OVOL2: variants seen among roughly 807,000 people sequenced by gnomAD.
OVOL2 encodes ovo like zinc finger 2.
In OVOL2, 13 loss-of-function variants were observed where a neutral mutation model predicts 18.1. That is an observed-to-expected ratio of 0.72 (90% CI 0.47 to 1.14). The LOEUF (loss-of-function observed/expected upper bound fraction) is 1.14, where lower values mean the gene tolerates loss of function less well. Among genes scored for constraint, OVOL2 ranks in the 50% most tolerant of loss-of-function variants. The pLI, the probability that OVOL2 is intolerant of heterozygous loss-of-function variation, is 0.00. For synonymous variants in OVOL2, 166 were observed against 162.7 expected (o/e 1.02, Z -0.16); for missense variants, 335 against 383.0 (o/e 0.87, Z 1.05).
chr20:18,047,070 A>G (rs2036729378), intron 2 of OVOL2, among the ~76,000 whole-genome samples: 1 of 152,226 alleles, frequency 6.6e-6, no homozygotes, highest in Non-Finnish European at 1.5e-5. Context: ...GCAGTATAAG[A>G]AGCTAAGAGC....
chr20:18,032,595 C>T (rs2036581801), intron 3 of OVOL2, among the ~76,000 whole-genome samples: 1 of 152,128 alleles, frequency 6.6e-6, no homozygotes, highest in Admixed American at 6.5e-5. Context: ...CAGCCTCTGC[C>T]TCTCGAGTTC....
chr20:18,040,977 A>G (rs905495290), intron 3 of OVOL2, among the ~76,000 whole-genome samples: 6 of 152,106 alleles, frequency 3.9e-5, no homozygotes, highest in African/African-American at 1.4e-4. Context: ...GATTCTCAGA[A>G]TACTTCCAGC....
intron 3 of OVOL2, among the ~76,000 whole-genome samples, chr20:18,038,359 C>T (rs906092408): frequency 5.3e-5 from 8 of 152,176 alleles, no homozygotes; most frequent in African/African-American, 4.8e-5. Flanking sequence ...ACAACCATCA[C>T]TTTAAGTGGC....
At chr20:18,026,627 C>T (rs1309810957) in intron 3 of OVOL2, among the ~76,000 whole-genome samples, 2 of 152,156 alleles carry the variant, frequency 1.3e-5, no homozygotes, top group Admixed American at 1.3e-4. Flanking sequence ...GTGATCTGCC[C>T]CCCTCGGCCT....
chr20:18,058,127 C>G (rs370726358), upstream of OVOL2, among the ~76,000 whole-genome samples: 2 of 152,154 alleles, frequency 1.3e-5, no homozygotes, highest in South Asian at 4.1e-4. Context: ...ACCTGCACCT[C>G]GAGGCGAGCT....
chr20:18,025,805 C>T (rs901881212), intron 3 of OVOL2, among the ~76,000 whole-genome samples: 1 of 152,228 alleles, frequency 6.6e-6, no homozygotes, highest in African/African-American at 2.4e-5. Flanking sequence ...CGTCATCCCA[C>T]CCCTCCAGGA....
chr20:18,048,509 T>C (rs111631725), intron 2 of OVOL2, among the ~76,000 whole-genome samples: 3,195 of 151,622 alleles, frequency 0.021, 116 homozygotes, highest in African/African-American at 0.073. Flanking sequence ...GGAGGATCAT[T>C]TGAGGTCAGG....
chr20:18,041,559 C>A lies in OVOL2; in HGVS notation c.486G>T (p.Leu162=), dbSNP rs534633904. 3.7e-6 allele frequency: 6 copies of A among 1,613,614 alleles called. No individual in the cohort carries two copies. In the East Asian group the frequency reaches 1.3e-4, roughly 36 times the overall value. ...CGKGFNDTFD[L]KRHVRTHTGI... is the part of the protein sequence containing the mutation. ...CTGTGTGTGTGCGGACGTGCCTCTT[C>A]AGGTCGAAGGTGTCGTTGAAGCCCT... The change falls in exon 3 of 4, where the codon CTG becomes CTT. Residue 162 remains leucine, a synonymous_variant. Transcript: ENST00000278780.
At chr20:18,027,297 G>A (rs1462243684) in intron 3 of OVOL2, among the ~76,000 whole-genome samples, 1 of 152,038 alleles carries the variant, frequency 6.6e-6, no homozygotes, top group Non-Finnish European at 1.5e-5. Flanking sequence ...GGAGGCTGAC[G>A]TGGGCGGATC....
At position 18,024,798 on chromosome 20, in the gene OVOL2, C is replaced by T. The variant is rs373607689; in HGVS notation, c.666G>A (p.Thr222=). Reference sequence around the variant, plus strand: ...GGTACAGGTCCTCCTGGGTGGGGCCCGTGTAGCCGCAATCCTCGCAGACGT... The same window carrying T: ...GGTACAGGTCCTCCTGGGTGGGGCCTGTGTAGCCGCAATCCTCGCAGACGT... The part of the protein sequence containing the change: ...KLYVCEDCGY[T]GPTQEDLYLH... Residue 222 remains threonine (T), a synonymous_variant, in exon 4 of 4, where the codon ACG becomes ACA. Coordinates refer to ENST00000278780, the MANE Select transcript of OVOL2 (RefSeq NM_021220.4). 9.3e-6 allele frequency: 15 copies of T among 1,614,028 alleles called. No homozygotes were observed. The African/African-American group carries it at 9.3e-5, about 10-fold the overall frequency.
chr20:18,037,004 C>T (rs910767004), intron 3 of OVOL2, among the ~76,000 whole-genome samples: 6 of 151,782 alleles, frequency 4.0e-5, no homozygotes, highest in Non-Finnish European at 5.9e-5. Flanking sequence ...GGCTTGGTAG[C>T]GGGCGCCTGT....
chr20:18,040,773 C>T (rs1266882303), intron 3 of OVOL2, among the ~76,000 whole-genome samples: 2 of 152,144 alleles, frequency 1.3e-5, no homozygotes, highest in Non-Finnish European at 2.9e-5. Flanking sequence ...GGCTCCAGTA[C>T]GAGGCTCGGG....
At chr20:18,041,866 G>T in intron 2 of OVOL2, 143 bp from the exon 3 acceptor site, 1 of 634,182 alleles carries the variant, frequency 1.6e-6, no homozygotes, top group Non-Finnish European at 2.5e-6. Context: ...TTTTGGCTTT[G>T]GGAAAGGTGA....
At chr20:18,053,295 C>T (rs1394864998) in intron 2 of OVOL2, among the ~76,000 whole-genome samples, 2 of 152,236 alleles carry the variant, frequency 1.3e-5, no homozygotes, top group African/African-American at 4.8e-5. Flanking sequence ...CACCCACTAT[C>T]TCATTTAATC....
Position 18,031,117 on chromosome 20 carries a change from T to C in OVOL2, c.512-6165A>G, listed in dbSNP as rs147557782. ...CATGGGAACTGAAGAGCACCACCCA[T>C]GCGCTAGACGTCATTAACCTACTGA... On this transcript the variant is annotated intron_variant, in intron 3 of 3. Coordinates refer to ENST00000278780, the MANE Select transcript of OVOL2 (RefSeq NM_021220.4). Among the ~76,000 whole-genome samples, 668 of 152,230 alleles carry C rather than the reference T, an allele frequency of 4.4e-3. 5 individuals are homozygous for C. Among genetic ancestry groups the C allele is most frequent in the Middle Eastern group, 0.02 (6 of 294 alleles).
At chr20:18,030,813 C>T (rs1389330258) in intron 3 of OVOL2, among the ~76,000 whole-genome samples, 1 of 152,220 alleles carries the variant, frequency 6.6e-6, no homozygotes, top group Non-Finnish European at 1.5e-5. Flanking sequence ...TGCCCCAGCA[C>T]TTCTGCTTCC....
At chr20:18,037,149 A>G (rs1351090678) in intron 3 of OVOL2, among the ~76,000 whole-genome samples, 2 of 151,272 alleles carry the variant, frequency 1.3e-5, no homozygotes, top group Non-Finnish European at 3.0e-5. Flanking sequence ...AAAAAAAAAA[A>G]AAAAGAAAGA....
chr20:18,028,125 C>A (rs2036536655), intron 3 of OVOL2, among the ~76,000 whole-genome samples: 1 of 152,070 alleles, frequency 6.6e-6, no homozygotes, highest in Non-Finnish European at 1.5e-5. Context: ...GGACCCCAGG[C>A]ACTAGGTCAG....
chr20:18,031,544 T>C (rs1193441466), intron 3 of OVOL2, among the ~76,000 whole-genome samples: 2 of 151,924 alleles, frequency 1.3e-5, no homozygotes, highest in African/African-American at 2.4e-5. Context: ...GCCACTGCAC[T>C]CCAACCTGGG....
Sources: gnomAD v4.1 joint callset for allele counts (sites outside exome capture counted in the v4.1 genomes callset) on GRCh38, gnomAD v4.1.1 for gene constraint, MANE v1.5 for transcripts, NCBI Gene and HGNC (gene_info 2026-07-23, HGNC 2026-07-21) for gene names.